Variants in RBFOX1 observed in about 807,000 individuals in gnomAD.
RBFOX1 encodes RNA binding fox-1 homolog 1.
A neutral mutation model predicts 57.7 loss-of-function variants in RBFOX1; 8 were observed. That is an observed-to-expected ratio of 0.14 (90% confidence interval 0.08 to 0.25). RBFOX1 has a LOEUF of 0.25. RBFOX1 is among the 10% of genes least tolerant of loss of function. The probability of loss-of-function intolerance (pLI) is 1.00; values close to 1 mark genes in which losing one functional copy is unlikely to be tolerated. For missense variants in RBFOX1, 611 were observed against 548.5 expected, an observed-to-expected ratio of 1.11 and a Z score of -1.14; for synonymous variants, 326 against 222.4, an observed-to-expected ratio of 1.47 and a Z score of -4.15.
chr16:5,578,813 C>T (rs952541895), intron 2 of RBFOX1, among the ~76,000 whole-genome samples: 1 of 149,998 alleles, frequency 6.7e-6, no homozygotes, highest in Admixed American at 6.6e-5. Flanking sequence ...AAAGTACTAG[C>T]GCATGAAACC....
At chr16:6,715,278 T>C (rs141819597) in intron 3 of RBFOX1, among the ~76,000 whole-genome samples, 1 of 144,376 alleles carries the variant, frequency 6.9e-6, no homozygotes, top group African/African-American at 2.6e-5. Flanking sequence ...TTTTTTTTTT[T>C]CTTTTTTTAA....
intron 4 of RBFOX1, among the ~76,000 whole-genome samples, chr16:7,338,950 A>G (rs2096843335): frequency 6.6e-6 from 1 of 152,140 alleles, no homozygotes; most frequent in South Asian, 2.1e-4. Context: ...CCTGATATAA[A>G]TGCTGGTGGC....
In RBFOX1 at chr16:5,559,127, G is replaced by A. The variant is rs187425672; in HGVS notation, c.259-39775G>A. On this transcript the variant is annotated intron_variant, in intron 2 of 2. Coordinates refer to the RBFOX1 transcript ENST00000585867. ...GTTTTTGTCTTGCTCCTCCATAGTA[G>A]CAAAAGGGGTTTATATAGCTAGGAG... 2.2e-3 allele frequency among the ~76,000 whole-genome samples: 269 copies of A among 123,852 alleles called. 3 individuals carry two copies. Among genetic ancestry groups the A allele is most frequent in the African/African-American group, 8.4e-3 (261 of 31,244 alleles). 81.3% of individuals were successfully genotyped at this position (123,852 alleles called of 152,430 possible). A position where few individuals can be genotyped will look rare whatever the true frequency, so the allele number is the denominator to read the frequency against.
chr16:6,616,128 G>A (rs755864150), intron 2 of RBFOX1, among the ~76,000 whole-genome samples: 8 of 152,164 alleles, frequency 5.3e-5, no homozygotes, highest in African/African-American at 1.9e-4. Context: ...TTTATAGGAA[G>A]TGTCAGGCCT....
chr16:5,464,698 G>A (rs868191615), intron 1 of RBFOX1, among the ~76,000 whole-genome samples: 6 of 152,226 alleles, frequency 3.9e-5, no homozygotes, highest in Non-Finnish European at 8.8e-5. Flanking sequence ...AGCTGTGGAG[G>A]GTGGATGGCA....
intron 4 of RBFOX1, among the ~76,000 whole-genome samples, chr16:7,348,244 A>C (rs1202086768): frequency 6.6e-6 from 1 of 152,238 alleles, no homozygotes; most frequent in Non-Finnish European, 1.5e-5. Flanking sequence ...TGCCTACTAC[A>C]AACCACTCTT....
chr16:6,466,255 T>TA (rs1398209735), intron 2 of RBFOX1, among the ~76,000 whole-genome samples: 3 of 151,634 alleles, frequency 2.0e-5, no homozygotes, highest in East Asian at 1.9e-4. Flanking sequence ...GATTAAGGAT[T>TA]AAAAAAAATT....
At chr16:7,339,835 A>C (rs2096859598) in intron 4 of RBFOX1, among the ~76,000 whole-genome samples, 1 of 152,236 alleles carries the variant, frequency 6.6e-6, no homozygotes, top group Non-Finnish European at 1.5e-5. Context: ...CTCCAGCTTC[A>C]GGCACTATTG....
intron 1 of RBFOX1, among the ~76,000 whole-genome samples, chr16:5,330,566 G>A (rs777023686): frequency 4.8e-4 from 73 of 151,976 alleles, no homozygotes; most frequent in Non-Finnish European, 8.2e-4. Flanking sequence ...TACCATGCCC[G>A]GCTAATTTTT....
chr16:5,502,433 G>T (rs531551314), intron 2 of RBFOX1, among the ~76,000 whole-genome samples: 12 of 152,136 alleles, frequency 7.9e-5, no homozygotes, highest in African/African-American at 2.7e-4. Context: ...GGGTCAGGGG[G>T]TGGACATGGA....
At chr16:6,983,199 C>G (rs540219103) in intron 3 of RBFOX1, among the ~76,000 whole-genome samples, 1 of 152,122 alleles carries the variant, frequency 6.6e-6, no homozygotes, top group Admixed American at 6.5e-5. Context: ...GGGTAGTACT[C>G]ATCCTCTGAC....
intron 3 of RBFOX1, among the ~76,000 whole-genome samples, chr16:5,859,260 C>T (rs1188191835): frequency 6.6e-6 from 1 of 152,156 alleles, no homozygotes; most frequent in Non-Finnish European, 1.5e-5. Flanking sequence ...GCAAGTGGCT[C>T]TGTTGAATGT....
intron 3 of RBFOX1, among the ~76,000 whole-genome samples, chr16:6,802,965 A>G (rs1339509625): frequency 6.6e-6 from 1 of 152,122 alleles, no homozygotes. Flanking sequence ...TTCCACAACA[A>G]TTTTTATTTT....
intron 4 of RBFOX1, among the ~76,000 whole-genome samples, chr16:7,380,440 T>C (rs1415240282): frequency 6.6e-6 from 1 of 152,236 alleles, no homozygotes; most frequent in Non-Finnish European, 1.5e-5. Flanking sequence ...CACTTAAAAA[T>C]AGTGTACAGG....
intron 3 of RBFOX1, among the ~76,000 whole-genome samples, chr16:6,985,803 C>G (rs922375852): frequency 7.1e-6 from 1 of 140,408 alleles, no homozygotes; most frequent in African/African-American, 2.7e-5. Flanking sequence ...TACTGCACTC[C>G]GGCCTGGGCC....
chr16:6,662,027 A>G (rs1224926544), intron 3 of RBFOX1, among the ~76,000 whole-genome samples: 1 of 152,162 alleles, frequency 6.6e-6, no homozygotes, highest in African/African-American at 2.4e-5. Flanking sequence ...GAAGTAAGCC[A>G]CACACAGAAA....
chr16:5,690,103 G>T (rs2050627478), intron 3 of RBFOX1, among the ~76,000 whole-genome samples: 1 of 152,214 alleles, frequency 6.6e-6, no homozygotes, highest in Non-Finnish European at 1.5e-5. Context: ...AGAGGCCAGC[G>T]AGGTCATCCT....
intron 1 of RBFOX1, among the ~76,000 whole-genome samples, chr16:6,149,444 G>C (rs1415727328): frequency 1.3e-5 from 2 of 152,210 alleles, no homozygotes; most frequent in Non-Finnish European, 2.9e-5. Context: ...ATGCTTTAAT[G>C]CTTTGCTTTT....
chr16:6,222,622 T>C (rs8054126), intron 1 of RBFOX1, among the ~76,000 whole-genome samples: 144,873 of 151,342 alleles, frequency 0.96, 69,632 homozygotes, highest in East Asian at 1. Flanking sequence ...GGGCCCCTGT[T>C]CCAGAGACTG....
Sources: allele counts gnomAD v4.1 joint callset (sites outside exome capture counted in the v4.1 genomes callset), GRCh38; gene constraint gnomAD v4.1.1; transcripts MANE v1.5; gene names NCBI Gene and HGNC (gene_info 2026-07-23, HGNC 2026-07-21).